EBF2: variants seen among roughly 807,000 people sequenced by gnomAD.
The protein encoded by EBF2 is transcription factor COE2.
EBF2 carries 21 observed loss-of-function variants against 72.8 expected under a neutral mutation model. The ratio of observed to expected loss-of-function variants is 0.29; its 90% CI spans 0.20 to 0.42. The LOEUF (loss-of-function observed/expected upper bound fraction) is 0.42. Among genes scored for constraint, EBF2 ranks in the 10% least tolerant of loss-of-function variants. The pLI is 1.00. For missense variants in EBF2, 637 were observed against 731.2 expected (o/e 0.87, Z 1.49); for synonymous variants, 299 against 274.2 (o/e 1.09, Z -0.89).
rs1186497938 is a variant in EBF2, at chr8:26,040,972, T to A, written c.319A>T (p.Thr107Ser). Residue 107 changes from threonine to serine, a missense_variant, in exon 3 of 16, where the codon ACT (threonine) becomes TCT (serine). Physicochemically the swap from Thr to Ser is moderately conservative, Grantham distance 58. Transcript: ENST00000520164. ...TAGAGGAGCTGTAACTTGTAGTGAG[T>A]GCCGTTGTTGGTCTTCTCGTTGCCT... is the stretch of plus-strand genomic sequence containing the variant. ...EQGNEKTNNG[T>S]HYKLQLLYSN... 1 of 1,614,158 alleles carries A rather than the reference T, an allele frequency of 6.2e-7. No homozygotes were observed.
intron 6 of EBF2, among the ~76,000 whole-genome samples, chr8:25,986,011 A>AAAAAAAAAAAAAAAG (rs1804447674): frequency 6.7e-6 from 1 of 148,672 alleles, no homozygotes; most frequent in African/African-American, 2.5e-5. Flanking sequence ...CAAAAAAAAA[A>AAAAAAAAAAAAAAAG]AAAAAAAAAA....
At chr8:25,860,800 A>G (rs1802199717) in intron 13 of EBF2, among the ~76,000 whole-genome samples, 1 of 152,172 alleles carries the variant, frequency 6.6e-6, no homozygotes, top group South Asian at 2.1e-4. Context: ...TACAGGTGTG[A>G]GCCACCAAAC....
In EBF2 at chr8:25,978,188, G is replaced by A. The variant is rs569504451; in HGVS notation, c.551+54897C>T. Among the ~76,000 whole-genome samples, 62 of 152,246 alleles carry A rather than the reference G, an allele frequency of 4.1e-4. No homozygotes were observed. The Middle Eastern group carries it at 0.014, about 33-fold the overall frequency. On this transcript the variant is annotated intron_variant, in intron 6 of 15. Coordinates refer to ENST00000520164, the MANE Select transcript of EBF2 (RefSeq NM_022659.4). ...GCTCCGTCTACCCCAAAAGGAAGAAGAAAGAATCACGCAAACCCCAGATTC... is the reference window on the plus strand; with the variant it reads ...GCTCCGTCTACCCCAAAAGGAAGAAAAAAGAATCACGCAAACCCCAGATTC...
chr8:25,932,871 T>G (rs1176001587), intron 6 of EBF2, among the ~76,000 whole-genome samples: 1 of 152,166 alleles, frequency 6.6e-6, no homozygotes, highest in Non-Finnish European at 1.5e-5. Flanking sequence ...TAATAACAGC[T>G]GTTATTTGAC....
intron 6 of EBF2, among the ~76,000 whole-genome samples, chr8:25,923,139 C>T (rs762176573): frequency 2.6e-5 from 4 of 152,068 alleles, no homozygotes; most frequent in Non-Finnish European, 4.4e-5. Context: ...CTCGGGAAGG[C>T]GCACCGTGGA....
intron 6 of EBF2, among the ~76,000 whole-genome samples, chr8:25,950,066 C>T (rs140810229): frequency 2.6e-4 from 40 of 152,326 alleles, no homozygotes; most frequent in African/African-American, 8.4e-4. Context: ...AGTCTAGAAC[C>T]GTATTAATGA....
chr8:26,010,804 C>T (rs1585226465), intron 6 of EBF2, among the ~76,000 whole-genome samples: 2 of 152,340 alleles, frequency 1.3e-5, no homozygotes, highest in South Asian at 2.1e-4. Flanking sequence ...GCAGATACAT[C>T]AGACCCAAAG....
chr8:25,865,378 T>C (rs1563380821), intron 10 of EBF2, among the ~76,000 whole-genome samples: 1 of 152,064 alleles, frequency 6.6e-6, no homozygotes, highest in Non-Finnish European at 1.5e-5. Flanking sequence ...TTTATTAGAG[T>C]CTAGAAACAC....
chr8:25,900,276 C>T (rs1411348714), intron 7 of EBF2, among the ~76,000 whole-genome samples: 1 of 152,122 alleles, frequency 6.6e-6, no homozygotes, highest in Admixed American at 6.5e-5. Flanking sequence ...GGCAACATAG[C>T]AAAACCCTGT....
At chr8:26,033,577 C>A (rs1033556922) in intron 5 of EBF2, among the ~76,000 whole-genome samples, 1 of 152,140 alleles carries the variant, frequency 6.6e-6, no homozygotes, top group African/African-American at 2.4e-5. Context: ...AAACAACACA[C>A]ACTGGGGCCT....
intron 6 of EBF2, among the ~76,000 whole-genome samples, chr8:25,978,366 T>C (rs928461693): frequency 1.3e-5 from 2 of 152,174 alleles, no homozygotes; most frequent in African/African-American, 4.8e-5. Context: ...AATGCCTGCC[T>C]TTCTCCCCAA....
chr8:25,849,110 CA>C (rs1322551122), intron 15 of EBF2, among the ~76,000 whole-genome samples: 2 of 152,152 alleles, frequency 1.3e-5, no homozygotes, highest in Non-Finnish European at 2.9e-5. Flanking sequence ...AAATCCCTGC[CA>C]AAAAATCCAT....
rs555971921 is a variant in EBF2, at chr8:25,936,279, T to A, written c.552-27724A>T. Among the ~76,000 whole-genome samples, 21 of 152,360 alleles carry A rather than the reference T, an allele frequency of 1.4e-4. No individual in the cohort carries two copies. The South Asian group carries it at 2.3e-3, about 17-fold the overall frequency. On this transcript the variant is annotated intron_variant, in intron 6 of 15. Coordinates refer to ENST00000520164, the MANE Select transcript of EBF2 (RefSeq NM_022659.4). ...CTCCTCTATTGAGCTTTCCTTAAAC[T>A]GTCCTTTTAAAATTTCCATTATAAG...
chr8:26,042,266 A>G lies in EBF2; in HGVS notation c.132-15T>C, dbSNP rs756021992. 1.2e-6 allele frequency: 2 copies of G among 1,607,748 alleles called. No individual in the cohort carries two copies. Among genetic ancestry groups the G allele is most frequent in the Non-Finnish European group, 1.7e-6 (2 of 1,176,566 alleles). ...GGGCGACCCCGCTGCACAGGGAGAA[A>G]AACGGGGGAACACAAGACACGGGGA... On this transcript the variant is annotated splice_polypyrimidine_tract_variant and intron_variant, in intron 1 of 15. Coordinates refer to ENST00000520164, the MANE Select transcript of EBF2 (RefSeq NM_022659.4).
intron 5 of EBF2, 77 bp from the exon 6 acceptor site, chr8:26,033,230 T>A (rs930939426): frequency 2.1e-6 from 3 of 1,415,810 alleles, no homozygotes; most frequent in Non-Finnish European, 2.0e-6. Flanking sequence ...GACAAGAACA[T>A]TTTTTCCCCC....
At chr8:25,858,651 CTTTTTTTT>C (rs34189731) in intron 13 of EBF2, 147 bp from the exon 14 acceptor site, 19 of 136,550 alleles carry the variant, frequency 1.4e-4, no homozygotes, top group Admixed American at 3.0e-4. Flanking sequence ...CCATCTTTAG[CTTTTTTTT>C]TTTTTTTTTT....
At chr8:26,036,665 T>A (rs1805506220) in intron 5 of EBF2, among the ~76,000 whole-genome samples, 1 of 150,752 alleles carries the variant, frequency 6.6e-6, no homozygotes, top group African/African-American at 2.4e-5. Flanking sequence ...GAACCTGAGA[T>A]GTTTGTGAAC....
intron 6 of EBF2, among the ~76,000 whole-genome samples, chr8:25,984,614 G>A (rs367906428): frequency 2.5e-4 from 38 of 152,048 alleles, no homozygotes; most frequent in Non-Finnish European, 2.8e-4. Context: ...ACCGGGAGGC[G>A]GAGGTTGCAA....
chr8:25,848,967 T>G (rs1801902230), intron 15 of EBF2, among the ~76,000 whole-genome samples: 1 of 152,192 alleles, frequency 6.6e-6, no homozygotes, highest in Admixed American at 6.5e-5. Context: ...CATTTCCCTG[T>G]CTCATGGAAA....
Sources: gnomAD v4.1 joint callset for allele counts (sites outside exome capture counted in the v4.1 genomes callset) on GRCh38, gnomAD v4.1.1 for gene constraint, MANE v1.5 for transcripts, NCBI Gene and HGNC (gene_info 2026-07-23, HGNC 2026-07-21) for gene names.